DENND1A: variants seen among roughly 807,000 people sequenced by gnomAD.
The protein encoded by DENND1A is DENN domain containing 1A.
In DENND1A, 51 loss-of-function variants were observed where a neutral mutation model predicts 113.7. The ratio of observed to expected loss-of-function variants is 0.45; its 90% confidence interval spans 0.36 to 0.57. The LOEUF is 0.57. Ranked by LOEUF, DENND1A falls within the 20% of genes least tolerant of loss-of-function variation. The pLI is 0.00. For synonymous variants in DENND1A, 565 were observed against 570.8 expected (o/e 0.99, Z 0.14); for missense variants, 1,258 against 1,395.9 (o/e 0.90, Z 1.57).
intron 13 of DENND1A, among the ~76,000 whole-genome samples, chr9:123,506,277 C>T (rs144079071): frequency 1.6e-4 from 24 of 152,194 alleles, no homozygotes; most frequent in Non-Finnish European, 3.4e-4. Flanking sequence ...GTGCCCCGCA[C>T]GGAGTAAGCA....
intron 11 of DENND1A, among the ~76,000 whole-genome samples, chr9:123,590,746 C>T (rs1009330544): frequency 3.3e-5 from 5 of 151,940 alleles, no homozygotes; most frequent in Admixed American, 3.3e-4. Flanking sequence ...ATAAATATAC[C>T]CCAATGAAGG....
intron 13 of DENND1A, among the ~76,000 whole-genome samples, chr9:123,541,596 T>G (rs2056292834): frequency 6.6e-6 from 1 of 152,134 alleles, no homozygotes; most frequent in Non-Finnish European, 1.5e-5. Context: ...GGAAACAGGG[T>G]TGAGTGGAGA....
At chr9:123,667,861 G>A (rs2063565151) in intron 7 of DENND1A, among the ~76,000 whole-genome samples, 1 of 152,112 alleles carries the variant, frequency 6.6e-6, no homozygotes, top group Non-Finnish European at 1.5e-5. Context: ...AAGAGTTCCA[G>A]TTGCTGGAGC....
chr9:123,392,384 T>A (rs539079949), intron 21 of DENND1A, among the ~76,000 whole-genome samples: 1 of 152,286 alleles, frequency 6.6e-6, no homozygotes, highest in East Asian at 1.9e-4. Context: ...CAGGACTTGG[T>A]CTCCGGAGGT....
chr9:123,391,376 C>T (rs781116044), intron 21 of DENND1A, among the ~76,000 whole-genome samples: 51 of 152,200 alleles, frequency 3.4e-4, no homozygotes, highest in South Asian at 6.2e-4. Context: ...AAGCCTTGGG[C>T]GAAATGCTGT....
intron 3 of DENND1A, among the ~76,000 whole-genome samples, chr9:123,790,009 GTGTC>G (rs2132010622): frequency 6.6e-6 from 1 of 152,146 alleles, no homozygotes; most frequent in East Asian, 1.9e-4. Context: ...GTGTGTCTGT[GTGTC>G]TGTGTGGTAA....
intron 2 of DENND1A, among the ~76,000 whole-genome samples, chr9:123,861,219 T>C (rs1198155069): frequency 6.6e-6 from 1 of 152,158 alleles, no homozygotes; most frequent in Admixed American, 6.5e-5. Context: ...TCAATTTATT[T>C]AAGAAAAATT....
At chr9:123,448,143 G>A (rs551283639) in intron 18 of DENND1A, among the ~76,000 whole-genome samples, 2 of 152,324 alleles carry the variant, frequency 1.3e-5, no homozygotes, top group Admixed American at 1.3e-4. Flanking sequence ...ATCTCCTGAA[G>A]CTATTCTTGA....
Position 123,382,049 on chromosome 9 carries a change from G to A in DENND1A, c.2596C>T (p.Pro866Ser). The A allele has an allele frequency of 6.7e-7, 1 of 1,499,990 alleles. No individual in the cohort carries two copies. Among genetic ancestry groups the A allele is most frequent in the East Asian group, 2.3e-5 (1 of 43,002 alleles). 92.9% of individuals were successfully genotyped at this position (1,499,990 alleles called of 1,614,324 possible). Residue 866 changes from proline (P) to serine (S), a missense_variant, in exon 24 of 24, where the codon CCG becomes TCG. By Grantham distance (74) the Pro-to-Ser change is moderately conservative. Coordinates refer to ENST00000394215, the MANE Select transcript of DENND1A (RefSeq NM_001352964.2). ...GSTLPSRPAT[P>S]NVATPFTPQF... Reference sequence around the variant, plus strand: ...GGGGTGAATGGGGTGGCTACATTCGGGGTGGCGGGGCGTGACGGGAGGGTG... The same window carrying A: ...GGGGTGAATGGGGTGGCTACATTCGAGGTGGCGGGGCGTGACGGGAGGGTG...
intron 5 of DENND1A, among the ~76,000 whole-genome samples, chr9:123,750,657 A>G (rs1024984007): frequency 2.0e-5 from 3 of 152,252 alleles, no homozygotes; most frequent in African/African-American, 4.8e-5. Flanking sequence ...AGAATTAAAA[A>G]GAAATCAAAC....
chr9:123,772,554 T>C (rs1469653233), intron 3 of DENND1A, among the ~76,000 whole-genome samples: 1 of 152,204 alleles, frequency 6.6e-6, no homozygotes. Context: ...TACTGCCACA[T>C]AAATCGGATC....
At chr9:123,630,322 C>T (rs367763189) in intron 10 of DENND1A, 54 bp downstream of exon 10, 24 of 1,221,418 alleles carry the variant, frequency 2.0e-5, no homozygotes, top group South Asian at 1.1e-4. Flanking sequence ...ACACCTAACA[C>T]GCCCAGTCAG....
chr9:123,902,760 C>T (rs890143004), intron 1 of DENND1A, among the ~76,000 whole-genome samples: 6 of 141,758 alleles, frequency 4.2e-5, no homozygotes, highest in African/African-American at 1.6e-4. Context: ...AAAACAGGAA[C>T]AAAAAGCTGC....
chr9:123,909,809 T>C (rs7046247), intron 1 of DENND1A, among the ~76,000 whole-genome samples: 5,796 of 152,196 alleles, frequency 0.038, 112 homozygotes, highest in Middle Eastern at 0.048. Context: ...AAAAACATCA[T>C]TAGAATTAAG....
chr9:123,596,689 C>T (rs1222581085), intron 11 of DENND1A, among the ~76,000 whole-genome samples: 3 of 152,188 alleles, frequency 2.0e-5, no homozygotes, highest in Non-Finnish European at 4.4e-5. Flanking sequence ...TCTCTTGTGA[C>T]CTCCATGTAT....
intron 13 of DENND1A, among the ~76,000 whole-genome samples, chr9:123,513,209 C>T (rs1208824293): frequency 6.6e-6 from 1 of 152,218 alleles, no homozygotes; most frequent in African/African-American, 2.4e-5. Context: ...GCCCGGTCCT[C>T]CTTGTTCACC....
At position 123,629,007 on chromosome 9, in the gene DENND1A, G is replaced by A. The variant is rs12347447; in HGVS notation, c.719+1369C>T. Among the ~76,000 whole-genome samples, 345 of 152,348 alleles carry A rather than the reference G, an allele frequency of 2.3e-3. 8 individuals are homozygous for A. The highest frequency in any genetic ancestry group is 0.018 in the East Asian group (92 of 5,188). On this transcript the variant is annotated intron_variant, in intron 10 of 23. Coordinates refer to ENST00000394215, the MANE Select transcript of DENND1A (RefSeq NM_001352964.2). ...CATGATGTCCCTGAGTTATGTCCTT[G>A]TTATCTCCATGGCCTCTTGGGAAGA...
intron 22 of DENND1A, among the ~76,000 whole-genome samples, chr9:123,385,897 G>C (rs1588261410): frequency 6.6e-6 from 1 of 152,224 alleles, no homozygotes; most frequent in South Asian, 2.1e-4. Context: ...GTCAGTCAGT[G>C]TGCTTCTGGA....
intron 2 of DENND1A, among the ~76,000 whole-genome samples, chr9:123,818,865 T>G (rs1265612224): frequency 1.3e-5 from 2 of 152,178 alleles, no homozygotes; most frequent in Non-Finnish European, 2.9e-5. Context: ...GACTACTAAG[T>G]GTCTTATAAG....
Sources: allele counts gnomAD v4.1 joint callset (sites outside exome capture counted in the v4.1 genomes callset), GRCh38; gene constraint gnomAD v4.1.1; transcripts MANE v1.5; gene names NCBI Gene and HGNC (gene_info 2026-07-23, HGNC 2026-07-21).